The following BTBD9 variants were observed in gnomAD, a reference collection of about 807,000 sequenced individuals.
BTBD9 encodes the protein BTB domain containing 9, also known as BTB/POZ domain-containing protein 9.
BTBD9 carries 49 observed loss-of-function variants against 64.3 expected under a neutral mutation model. The observed-to-expected ratio is 0.76, with a 90% CI of 0.61 to 0.97. The LOEUF (loss-of-function observed/expected upper bound fraction) is 0.97, where lower values mean the gene tolerates loss of function less well. Among genes scored for constraint, BTBD9 ranks in the 50% least tolerant of loss-of-function variants. BTBD9 has a pLI of 0.00. For synonymous variants in BTBD9, 260 were observed against 274.7 expected (o/e 0.95, Z 0.53); for missense variants, 598 against 762.1 (o/e 0.78, Z 2.53).
intron 6 of BTBD9, among the ~76,000 whole-genome samples, chr6:38,406,476 C>G (rs542220498): frequency 7.2e-5 from 11 of 152,244 alleles, no homozygotes; most frequent in African/African-American, 2.6e-4. Flanking sequence ...GAAAAGACCT[C>G]TTAGATTAGG....
intron 9 of BTBD9, among the ~76,000 whole-genome samples, chr6:38,225,304 A>C (rs1763357960): frequency 1.3e-5 from 2 of 152,234 alleles, no homozygotes; most frequent in Non-Finnish European, 2.9e-5. Flanking sequence ...AGGCTCTGAG[A>C]TTCACTTGAA....
At chr6:38,588,444 C>A in intron 4 of BTBD9, 1 of 813,582 alleles carries the variant, frequency 1.2e-6, no homozygotes, top group Non-Finnish European at 2.1e-6. Flanking sequence ...CTGTAAGTAG[C>A]ATGACCCCTC....
chr6:38,372,124 G>A (rs1383021456), intron 6 of BTBD9, among the ~76,000 whole-genome samples: 5 of 152,166 alleles, frequency 3.3e-5, no homozygotes, highest in African/African-American at 1.2e-4. Flanking sequence ...TGGGCCATCA[G>A]TGCCACATGT....
chr6:38,292,891 G>A (rs1259205689), intron 7 of BTBD9, among the ~76,000 whole-genome samples: 2 of 152,094 alleles, frequency 1.3e-5, no homozygotes, highest in Non-Finnish European at 2.9e-5. Context: ...TGCTTCTCTA[G>A]TTCTTTTAAT....
At chr6:38,181,763 G>A (rs4314486) in intron 10 of BTBD9, among the ~76,000 whole-genome samples, 94,954 of 151,934 alleles carry the variant, frequency 0.62, 31,134 homozygotes, top group Non-Finnish European at 0.74. Context: ...TGAGAGAGGC[G>A]GATCACTTGA....
intron 1 of BTBD9, among the ~76,000 whole-genome samples, chr6:38,634,069 T>C (rs1009293938): frequency 3.3e-5 from 5 of 152,220 alleles, no homozygotes; most frequent in African/African-American, 1.2e-4. Flanking sequence ...ACACTATAAA[T>C]GCTTAATGAA....
intron 6 of BTBD9, among the ~76,000 whole-genome samples, chr6:38,383,919 G>C (rs1415890844): frequency 6.6e-6 from 1 of 152,182 alleles, no homozygotes; most frequent in Non-Finnish European, 1.5e-5. Context: ...CCCAAGTCCA[G>C]GGATGACTGA....
intron 7 of BTBD9, among the ~76,000 whole-genome samples, chr6:38,303,334 C>A (rs1350910189): frequency 6.6e-6 from 1 of 151,646 alleles, no homozygotes; most frequent in Non-Finnish European, 1.5e-5. Context: ...CATTCTATTT[C>A]TTAGGCTGCG....
chr6:38,592,861 A>C, intron 3 of BTBD9, 21 bp from the exon 4 acceptor site: 1 of 1,611,078 alleles, frequency 6.2e-7, no homozygotes, highest in East Asian at 2.2e-5. Context: ...TAAAAAGGTA[A>C]AATTCCAGTT....
chr6:38,299,959 T>C (rs1380390094), intron 7 of BTBD9, among the ~76,000 whole-genome samples: 2 of 152,240 alleles, frequency 1.3e-5, no homozygotes, highest in Non-Finnish European at 2.9e-5. Context: ...TGGTATTGCC[T>C]AGGTTTTCTT....
At chr6:38,521,093 C>T (rs1199735129) in intron 6 of BTBD9, among the ~76,000 whole-genome samples, 1 of 151,666 alleles carries the variant, frequency 6.6e-6, no homozygotes, top group Non-Finnish European at 1.5e-5. Flanking sequence ...AAGATCGTGA[C>T]CTTACACACA....
intron 9 of BTBD9, among the ~76,000 whole-genome samples, chr6:38,240,763 C>G (rs1322481981): frequency 6.6e-6 from 1 of 152,134 alleles, no homozygotes; most frequent in Non-Finnish European, 1.5e-5. Context: ...ATTGTAGATT[C>G]ACAGTACGTG....
chr6:38,521,362 CATT>C (rs1224573702), intron 6 of BTBD9, among the ~76,000 whole-genome samples: 1 of 152,200 alleles, frequency 6.6e-6, no homozygotes, highest in Non-Finnish European at 1.5e-5. Flanking sequence ...TGTTAACCAT[CATT>C]GTTACCATTC....
At chr6:38,385,121 G>A (rs1338379876) in intron 6 of BTBD9, among the ~76,000 whole-genome samples, 1 of 149,486 alleles carries the variant, frequency 6.7e-6, no homozygotes, top group Non-Finnish European at 1.5e-5. Flanking sequence ...TTTGGATCTA[G>A]GGTTAATATC....
rs77867222 is a variant in BTBD9 at position 38,338,260 on chromosome 6, T to A, written c.1264+6724A>T. ...ACACTGGACAAACAGATGATTCACA[T>A]CCCTGGTGGAGCAGAGTGGGATGGC... is the stretch of plus-strand genomic sequence containing the variant. On this transcript the variant is annotated intron_variant, in intron 7 of 10. Coordinates refer to ENST00000481247, the MANE Select transcript of BTBD9 (RefSeq NM_001099272.2). Among the ~76,000 whole-genome samples, 4 of 152,304 alleles carry A rather than the reference T, an allele frequency of 2.6e-5. No homozygotes were observed. In the South Asian group the frequency reaches 6.2e-4, roughly 24 times the overall value.
intron 1 of BTBD9, among the ~76,000 whole-genome samples, chr6:38,604,440 T>C (rs541950442): frequency 8.5e-5 from 13 of 152,372 alleles, no homozygotes; most frequent in Non-Finnish European, 1.6e-4. Flanking sequence ...AGTTTCTGAA[T>C]ATGTATATGA....
chr6:38,461,726 T>C (rs907438308), intron 6 of BTBD9, among the ~76,000 whole-genome samples: 1 of 152,212 alleles, frequency 6.6e-6, no homozygotes, highest in Non-Finnish European at 1.5e-5. Context: ...TTTAACTTTT[T>C]AGGAAACTGC....
chr6:38,262,214 T>C (rs926246104), intron 8 of BTBD9, among the ~76,000 whole-genome samples: 9 of 152,204 alleles, frequency 5.9e-5, no homozygotes, highest in African/African-American at 9.6e-5. Context: ...CTCTATGACC[T>C]TAACTGAAAT....
At chr6:38,386,531 G>A (rs1766176297) in intron 6 of BTBD9, among the ~76,000 whole-genome samples, 1 of 151,670 alleles carries the variant, frequency 6.6e-6, no homozygotes, top group Admixed American at 6.6e-5. Flanking sequence ...TCAGAATTCT[G>A]GTTCCTGCAA....
Sources: allele counts gnomAD v4.1 joint callset (sites outside exome capture counted in the v4.1 genomes callset), GRCh38; gene constraint gnomAD v4.1.1; transcripts MANE v1.5; gene names NCBI Gene and HGNC (gene_info 2026-07-23, HGNC 2026-07-21).